The following CSPG4 variants were observed in gnomAD, a reference collection of about 807,000 sequenced individuals.
The protein encoded by CSPG4 is chondroitin sulfate proteoglycan 4 (melanoma-associated).
CSPG4 carries 74 observed loss-of-function variants against 139.3 expected under a neutral mutation model. The ratio of observed to expected loss-of-function variants is 0.53; its 90% CI spans 0.44 to 0.64. The LOEUF (loss-of-function observed/expected upper bound fraction) is 0.64, where lower values mean the gene tolerates loss of function less well. Ranked by LOEUF, CSPG4 falls within the 30% of genes least tolerant of loss-of-function variation. The pLI, the probability that CSPG4 is intolerant of heterozygous loss-of-function variation, is 0.00. For synonymous variants in CSPG4, 1,234 were observed against 1,394.2 expected, an observed-to-expected ratio of 0.89 and a Z score of 2.56; for missense variants, 2,565 against 3,148.3, an observed-to-expected ratio of 0.81 and a Z score of 4.43.
intron 3 of CSPG4, 27 bp from the exon 4 acceptor site, chr15:75,685,728 AC>A: frequency 6.4e-7 from 1 of 1,559,226 alleles, no homozygotes. Context: ...ACAAGGACTC[AC>A]AGGGGGCCAC....
At chr15:75,695,145 A>G (rs1894209689) in intron 1 of CSPG4, among the ~76,000 whole-genome samples, 1 of 152,070 alleles carries the variant, frequency 6.6e-6, no homozygotes, top group African/African-American at 2.4e-5. Flanking sequence ...ATTGCTAAAC[A>G]TTTACCTATC....
chr15:75,704,653 G>A lies in CSPG4; in HGVS notation c.88+8015C>T, dbSNP rs186943625. Among the ~76,000 whole-genome samples the A allele has an allele frequency of 3.0e-3, 464 of 152,266 alleles. 1 individual carries two copies. Among genetic ancestry groups the A allele is most frequent in the African/African-American group, 0.011 (439 of 41,550 alleles). On this transcript the variant is annotated intron_variant, in intron 1 of 9. Coordinates refer to ENST00000308508, the MANE Select transcript of CSPG4 (RefSeq NM_001897.5). ...CTCAGGCACAGGCCTGCCCTTGTCC[G>A]GGGTCCCTCCAGTGTCCCTGCCCCG...
intron 2 of CSPG4, 126 bp downstream of exon 2, chr15:75,692,944 G>A (rs930649021): frequency 3.0e-5 from 18 of 599,020 alleles, no homozygotes; most frequent in African/African-American, 2.8e-4. Context: ...ATCCCACAGT[G>A]GAGAACTTAA....
intron 1 of CSPG4, among the ~76,000 whole-genome samples, chr15:75,706,618 T>C (rs1894376953): frequency 6.6e-6 from 1 of 151,680 alleles, no homozygotes; most frequent in African/African-American, 2.4e-5. Context: ...GAGCAATCTG[T>C]GGTTAGAACA....
rs570351816 is a variant in CSPG4 at position 75,687,480 on chromosome 15, C to A, written c.3585G>T (p.Gly1195=). Residue 1195 remains glycine, a synonymous_variant, in exon 3 of 10, where the codon GGG becomes GGT. Transcript: ENST00000308508. The surrounding 1 kb of genome is among the most constrained non-coding windows in gnomAD (Gnocchi z 5.4). ...TGCCATTGTGGCTATAGAGAACGGCCCCATCCAGCAGGTCCTGCTGGGAGA... is the reference window on the plus strand; with the variant it reads ...TGCCATTGTGGCTATAGAGAACGGCACCATCCAGCAGGTCCTGCTGGGAGA... The part of the protein sequence containing the change: ...TAFSQQDLLD[G]AVLYSHNGSL... 6.2e-7 allele frequency: 1 copy of A among 1,612,714 alleles called. No homozygotes were observed. Among genetic ancestry groups the A allele is most frequent in the Admixed American group, 1.7e-5 (1 of 60,012 alleles).
Position 75,676,257 on chromosome 15 carries a change from C to G in CSPG4, c.6262G>C (p.Gly2088Arg). 6.4e-7 allele frequency: 1 copy of G among 1,567,462 alleles called. No individual in the cohort carries two copies. The highest frequency in any genetic ancestry group is 8.6e-7 in the Non-Finnish European group (1 of 1,162,512). The change falls in exon 10 of 10, where the codon GGA (glycine) becomes CGA (arginine). Residue 2088 changes from glycine (G) to arginine (R), a missense_variant. Physicochemically the swap from Gly to Arg is moderately radical, Grantham distance 125. This residue lies in a region of CSPG4 where 2,316 missense variants were observed against 2,818.2 expected (regional missense o/e 0.82). Coordinates refer to ENST00000308508, the MANE Select transcript of CSPG4 (RefSeq NM_001897.5). Reference sequence around the variant, plus strand: ...CGGACCACGCGGCCATGCCGGGGTCCCTCCAGGAGGCGGAAGCGCGGCACA... The same window carrying G: ...CGGACCACGCGGCCATGCCGGGGTCGCTCCAGGAGGCGGAAGCGCGGCACA... Reference protein sequence around the residue: ...GSVPRFRLLEGPRHGRVVRVP... With the variant: ...GSVPRFRLLERPRHGRVVRVP...
chr15:75,685,399 G>C lies in CSPG4; in HGVS notation c.4092C>G (p.Asn1364Lys). The change falls in exon 4 of 10, where the codon AAC becomes AAG. Residue 1364 changes from asparagine (N) to lysine (K), a missense_variant. Transcript: ENST00000308508. ...GGCTGCCACCCTCAGGGACGCTGAAGTTTTGCGCCTCTAGTGGGATGGCAG... is the reference window on the plus strand; with the variant it reads ...GGCTGCCACCCTCAGGGACGCTGAACTTTTGCGCCTCTAGTGGGATGGCAG... The part of the protein sequence containing the change: ...LPAAIPLEAQ[N>K]FSVPEGGSLT... 6.2e-7 allele frequency: 1 copy of C among 1,611,678 alleles called. No homozygotes were observed. Among genetic ancestry groups the C allele is most frequent in the Non-Finnish European group, 8.5e-7 (1 of 1,179,642 alleles).
rs1566975873 is a variant in CSPG4, at chr15:75,693,169, C to T, written c.153G>A (p.Leu51=). ...PVATALTDID[L]QLQFSTSQPE... ...GCTGGGACGTGGAGAACTGCAGCTG[C>T]AGGTCTATGTCGGTCAGAGCCGTGG... Residue 51 remains leucine (L), a synonymous_variant, in exon 2 of 10, where the codon CTG becomes CTA. Coordinates refer to ENST00000308508, the MANE Select transcript of CSPG4 (RefSeq NM_001897.5). 1 of 1,608,970 alleles carries T rather than the reference C, an allele frequency of 6.2e-7. No individual in the cohort carries two copies. Among genetic ancestry groups the T allele is most frequent in the East Asian group, 2.2e-5 (1 of 44,816 alleles).
At position 75,712,762 on chromosome 15, in the gene CSPG4, G is replaced by A. The variant is rs1302541653; in HGVS notation, c.-7C>T. The A allele has an allele frequency of 1.3e-6, 2 of 1,540,802 alleles. No individual in the cohort carries two copies. The highest frequency in any genetic ancestry group is 8.8e-7 in the Non-Finnish European group (1 of 1,142,396). The stretch of plus-strand genomic sequence containing the variant: ...GCCGCGGCCCGGACTGCATCCCGGC[G>A]GGCTGGGCGGCAGGACTTGCGAGGA... On this transcript the variant is annotated 5_prime_UTR_variant, in exon 1 of 10. Coordinates refer to ENST00000308508, the MANE Select transcript of CSPG4 (RefSeq NM_001897.5).
rs984729711 is a variant in CSPG4, at chr15:75,698,258, T to C, written c.89-5025A>G. 2.0e-5 allele frequency among the ~76,000 whole-genome samples: 3 copies of C among 151,562 alleles called. No homozygotes were observed. Among genetic ancestry groups the C allele is most frequent in the East Asian group, 1.9e-4 (1 of 5,144 alleles). On this transcript the variant is annotated intron_variant, in intron 1 of 9. Transcript: ENST00000308508. The surrounding 1 kb of genome is among the most constrained non-coding windows in gnomAD (Gnocchi z 4.3). ...TCTGAGGGGGCTGTGGGATGGGGTA[T>C]TCTGGGAGGGCCAAGGCCGGGATGA... is the stretch of plus-strand genomic sequence containing the variant.
In CSPG4 at chr15:75,676,531, G is replaced by A. The variant is rs746037392; in HGVS notation, c.5988C>T (p.Pro1996=). The stretch of plus-strand genomic sequence containing the variant: ...TCTGGAATTGGCTGAAGGCCGAGGT[G>A]GGCCGCCCGCCCACCAGGAGATGCC... The part of the protein sequence containing the change: ...QYGHLLVGGR[P]TSAFSQFQID... Residue 1996 remains proline (P), a synonymous_variant, in exon 10 of 10, where the codon CCC becomes CCT. Transcript: ENST00000308508. 1.2e-6 allele frequency: 2 copies of A among 1,613,614 alleles called. No homozygotes were observed. The highest frequency in any genetic ancestry group is 3.3e-5 in the Admixed American group (2 of 60,014).
At position 75,693,053 on chromosome 15, in the gene CSPG4, A is replaced by AG; in HGVS notation, c.252+16dup. The AG allele has an allele frequency of 7.8e-7, 1 of 1,284,666 alleles. No individual in the cohort carries two copies. The highest frequency in any genetic ancestry group is 1.4e-5 in the African/African-American group (1 of 69,816). The allele number at this position is 1,284,666 out of a possible 1,614,324, so 79.6% of individuals were successfully genotyped here. ...CCACCCCGAATCCCGCCCAGATCTCAGGGGGACGTCACTCACCTGCAGGCG... is the reference window on the plus strand; with the variant it reads ...CCACCCCGAATCCCGCCCAGATCTCAGGGGGGACGTCACTCACCTGCAGGCG... On this transcript the variant is annotated intron_variant, in intron 2 of 9. Transcript: ENST00000308508.
At chr15:75,681,504 C>T (rs1390417614) in intron 8 of CSPG4, among the ~76,000 whole-genome samples, 1 of 152,202 alleles carries the variant, frequency 6.6e-6, no homozygotes, top group African/African-American at 2.4e-5. Context: ...ACCCAGAATT[C>T]ACTGTCATCA....
intron 1 of CSPG4, among the ~76,000 whole-genome samples, chr15:75,704,255 C>T (rs2141439218): frequency 6.6e-6 from 1 of 151,980 alleles, no homozygotes; most frequent in African/African-American, 2.4e-5. Context: ...ACCCAGAGGC[C>T]CAGATAGGGC....
Position 75,682,735 on chromosome 15 carries a change from A to G in CSPG4, c.4655T>C (p.Leu1552Pro). Residue 1552 changes from leucine to proline, a missense_variant, in exon 7 of 10, where the codon CTG (leucine) becomes CCG (proline). By Grantham distance (98) the Leu-to-Pro change is moderately conservative. This residue lies in a region of CSPG4 where 2,316 missense variants were observed against 2,818.2 expected (regional missense o/e 0.82). Transcript: ENST00000308508. Reference sequence around the variant, plus strand: ...GAGGCGGAAGCGGAAGCCTCCATCCAGGGTTCCTGGGGACAGGGGCATTGG... The same window carrying G: ...GAGGCGGAAGCGGAAGCCTCCATCCGGGGTTCCTGGGGACAGGGGCATTGG... ...GLVLFSHRGT[L>P]DGGFRFRLSD... 2 of 1,612,810 alleles carry G rather than the reference A, an allele frequency of 1.2e-6. No individual in the cohort carries two copies. The highest frequency in any genetic ancestry group is 1.7e-6 in the Non-Finnish European group (2 of 1,179,976).
At position 75,688,489 on chromosome 15, in the gene CSPG4, T is replaced by C. The variant is rs1894100276; in HGVS notation, c.2576A>G (p.Tyr859Cys). 2 of 1,613,218 alleles carry C rather than the reference T, an allele frequency of 1.2e-6. No homozygotes were observed. The highest frequency in any genetic ancestry group is 1.7e-6 in the Non-Finnish European group (2 of 1,180,026). ...QDDIQAGRVTYGATARASEAV... is the reference protein window; with the variant it reads ...QDDIQAGRVTCGATARASEAV... ...CTCTGAGGCACGTGCTGTGGCCCCA[T>C]AGGTCACCCGGCCAGCCTGTATGTC... Residue 859 changes from tyrosine to cysteine, a missense_variant, in exon 3 of 10, where the codon TAT becomes TGT. Tyr to Cys is a radical substitution (Grantham distance 194). Around this residue, in one of 5 missense-constraint regions of CSPG4, gnomAD observed 2,316 missense variants for 2,818.2 expected, o/e 0.82. Transcript: ENST00000308508.
chr15:75,682,919 C>T lies in CSPG4; in HGVS notation c.4572G>A (p.Arg1524=), dbSNP rs1419512865. 6.2e-6 allele frequency: 10 copies of T among 1,611,028 alleles called. No individual in the cohort carries two copies. Among genetic ancestry groups the T allele is most frequent in the Non-Finnish European group, 8.5e-6 (10 of 1,179,670 alleles). The change falls in exon 6 of 10, where the codon CGG becomes CGA. Residue 1524 remains arginine (R), a synonymous_variant. Transcript: ENST00000308508. ...TGCGCACCTCAGTGCCCGGCGCCCC[C>T]CGCAGCACTACCCGCCCGTTGCTGG... is the stretch of plus-strand genomic sequence containing the variant. ...EQPSNGRVVL[R]GAPGTEVRSF...
chr15:75,694,217 G>T (rs1894198420), intron 1 of CSPG4, among the ~76,000 whole-genome samples: 1 of 152,242 alleles, frequency 6.6e-6, no homozygotes, highest in Non-Finnish European at 1.5e-5. Flanking sequence ...CTTGCCTGGG[G>T]TTAGTGGTTC....
At position 75,687,217 on chromosome 15, in the gene CSPG4, G is replaced by T; in HGVS notation, c.3789+59C>A. On this transcript the variant is annotated intron_variant, in intron 3 of 9. Transcript: ENST00000308508. This position sits in a 1 kb window ranked among gnomAD's most constrained non-coding sequence, Gnocchi z 5.4. ...AAGTCACGTGTGTTCCTGGCATGGAGGCTGGGAGAAGGCCCTCTACCTGGC... is the reference window on the plus strand; with the variant it reads ...AAGTCACGTGTGTTCCTGGCATGGATGCTGGGAGAAGGCCCTCTACCTGGC... The T allele has an allele frequency of 6.3e-7, 1 of 1,592,112 alleles. No individual in the cohort carries two copies. The highest frequency in any genetic ancestry group is 8.5e-7 in the Non-Finnish European group (1 of 1,170,098).
Sources: allele counts gnomAD v4.1 joint callset (sites outside exome capture counted in the v4.1 genomes callset), GRCh38; gene constraint gnomAD v4.1.1; regional missense constraint gnomAD v4.1.1; non-coding constraint Gnocchi (gnomAD v3.1); transcripts MANE v1.5; gene names NCBI Gene and HGNC (gene_info 2026-07-23, HGNC 2026-07-21).